The following EYS variants were observed in gnomAD, a reference collection of about 807,000 sequenced individuals.
The protein encoded by EYS is protein eyes shut homolog.
A neutral mutation model predicts 282.1 loss-of-function variants in EYS; 250 were observed. The observed-to-expected ratio is 0.89, with a 90% CI of 0.80 to 0.98. The LOEUF is 0.98. Among genes scored for constraint, EYS ranks in the 50% least tolerant of loss-of-function variants. EYS has a pLI of 0.00. For synonymous variants in EYS, 1,355 were observed against 1,282.9 expected (o/e 1.06, Z -1.20); for missense variants, 4,016 against 3,709.0 (o/e 1.08, Z -2.15).
chr6:64,334,521 G>T (rs1477834597), intron 29 of EYS, among the ~76,000 whole-genome samples: 1 of 152,098 alleles, frequency 6.6e-6, no homozygotes, highest in Non-Finnish European at 1.5e-5. Flanking sequence ...ACTATGGACT[G>T]GCCAGCTGGG....
chr6:65,296,008 A>G lies in EYS; in HGVS notation c.1878T>C (p.Asn626=), dbSNP rs770528804. Residue 626 remains asparagine, a synonymous_variant, in exon 12 of 43, where the codon AAT becomes AAC. Coordinates refer to ENST00000503581, the MANE Select transcript of EYS (RefSeq NM_001142800.2). ...ATCTTTGCAGACCGCTACAGTTACA[A>G]TTGTGCGAAAGGGCCAGGCAGAGGC... ...VHGLCLALSH[N]CNCSGLQRYE... is the part of the protein sequence containing the mutation. 3 of 1,551,228 alleles carry G rather than the reference A, an allele frequency of 1.9e-6. No individual in the cohort carries two copies. Among genetic ancestry groups the G allele is most frequent in the African/African-American group, 2.7e-5 (2 of 73,102 alleles).
intron 5 of EYS, among the ~76,000 whole-genome samples, chr6:65,420,658 C>T (rs972418420): frequency 6.6e-5 from 10 of 151,850 alleles, no homozygotes; most frequent in Non-Finnish European, 1.5e-5. Flanking sequence ...TGCTTAGATC[C>T]ATCAGAGGAA....
At chr6:64,491,146 G>A (rs773417738) in intron 26 of EYS, among the ~76,000 whole-genome samples, 1 of 150,580 alleles carries the variant, frequency 6.6e-6, no homozygotes, top group Non-Finnish European at 1.5e-5. Context: ...GCTTTTAATG[G>A]GATCTATGTA....
intron 14 of EYS, among the ~76,000 whole-genome samples, chr6:64,958,884 T>C (rs2150104597): frequency 6.6e-6 from 1 of 152,266 alleles, no homozygotes; most frequent in South Asian, 2.1e-4. Flanking sequence ...AACATTACAG[T>C]TAGACACACA....
At chr6:64,432,752 C>T (rs1246521209) in intron 28 of EYS, among the ~76,000 whole-genome samples, 1 of 151,908 alleles carries the variant, frequency 6.6e-6, no homozygotes, top group Non-Finnish European at 1.5e-5. Context: ...TAATGTTCTA[C>T]CTGGTGGTGT....
chr6:65,176,491 T>C (rs1034599875), intron 12 of EYS, among the ~76,000 whole-genome samples: 4 of 151,566 alleles, frequency 2.6e-5, no homozygotes, highest in African/African-American at 9.7e-5. Flanking sequence ...TATAATGACA[T>C]TTTATTTAAA....
intron 12 of EYS, among the ~76,000 whole-genome samples, chr6:65,151,667 A>G (rs1764614052): frequency 6.6e-6 from 1 of 152,006 alleles, no homozygotes; most frequent in Non-Finnish European, 1.5e-5. Context: ...CTAACGTGCT[A>G]TTTTGTTTTA....
intron 32 of EYS, among the ~76,000 whole-genome samples, chr6:64,077,390 G>A (rs1771810683): frequency 1.3e-5 from 2 of 151,952 alleles, no homozygotes; most frequent in South Asian, 4.1e-4. Flanking sequence ...ATAGGGAAAG[G>A]CAGGTGTTAT....
chr6:64,483,849 G>A (rs1171183225), intron 26 of EYS, among the ~76,000 whole-genome samples: 1 of 151,582 alleles, frequency 6.6e-6, no homozygotes, highest in East Asian at 1.9e-4. Flanking sequence ...GGGAAGGGAG[G>A]TGCTGTTTAT....
At chr6:64,647,054 G>T (rs761569494) in intron 22 of EYS, among the ~76,000 whole-genome samples, 1 of 152,032 alleles carries the variant, frequency 6.6e-6, no homozygotes, top group South Asian at 2.1e-4. Flanking sequence ...ACTTATAAAA[G>T]AAACCACTTA....
intron 36 of EYS, among the ~76,000 whole-genome samples, chr6:63,855,234 G>A (rs1274401270): frequency 1.3e-5 from 2 of 152,180 alleles, no homozygotes; most frequent in African/African-American, 4.8e-5. Context: ...TATCACTTTA[G>A]ACTGGTTATT....
At position 65,277,216 on chromosome 6, in the gene EYS, C is replaced by T. The variant is rs977985606; in HGVS notation, c.2023+18647G>A. 3.3e-5 allele frequency among the ~76,000 whole-genome samples: 5 copies of T among 151,948 alleles called. No individual in the cohort carries two copies. In the South Asian group the frequency reaches 6.2e-4, roughly 19 times the overall value. On this transcript the variant is annotated intron_variant, in intron 12 of 42. Transcript: ENST00000503581. ...TTGGGAGGCCAAGGTGGGTAGATCACGAGGTCAGGAGATCAAGACCTTCCT... is the reference window on the plus strand; with the variant it reads ...TTGGGAGGCCAAGGTGGGTAGATCATGAGGTCAGGAGATCAAGACCTTCCT...
In EYS at chr6:65,694,280, A is replaced by T. The variant is rs1008449941; in HGVS notation, c.-448+12855T>A. On this transcript the variant is annotated intron_variant, in intron 1 of 42. Transcript: ENST00000503581. ...TCTCAAAAAAAATAAAAAATAAAAA[A>T]ATATATATATATGTATAATAAAACA... Among the ~76,000 whole-genome samples, 32 of 147,902 alleles carry T rather than the reference A, an allele frequency of 2.2e-4. 4 individuals are homozygous for T. Among genetic ancestry groups the T allele is most frequent in the East Asian group, 9.1e-4 (4 of 4,382 alleles).
At chr6:64,815,306 T>A (rs1183647708) in intron 21 of EYS, 1 of 363,288 alleles carries the variant, frequency 2.8e-6, no homozygotes, top group African/African-American at 2.2e-5. Context: ...GGAATAGAAA[T>A]GCAGAATTCC....
chr6:64,831,605 C>CTTA (rs1046383518), intron 19 of EYS, among the ~76,000 whole-genome samples: 1 of 151,790 alleles, frequency 6.6e-6, no homozygotes, highest in Non-Finnish European at 1.5e-5. Context: ...TCATTTAAAT[C>CTTA]TTATTTCTCC....
Position 65,603,467 on chromosome 6 carries a change from T to C in EYS, c.-333+36311A>G, listed in dbSNP as rs549175390. Among the ~76,000 whole-genome samples, 17 of 152,080 alleles carry C rather than the reference T, an allele frequency of 1.1e-4. No homozygotes were observed. The East Asian group carries it at 3.1e-3, about 28-fold the overall frequency. ...AATTTGCCTTCATAAATTGCTTACA[T>C]TTTTTCTGAAGAAAGATAGTTTTAT... is the stretch of plus-strand genomic sequence containing the variant. On this transcript the variant is annotated intron_variant, in intron 2 of 42. Coordinates refer to ENST00000503581, the MANE Select transcript of EYS (RefSeq NM_001142800.2).
chr6:64,446,680 G>A (rs376322234), intron 26 of EYS, among the ~76,000 whole-genome samples: 9 of 151,988 alleles, frequency 5.9e-5, no homozygotes, highest in African/African-American at 9.6e-5. Context: ...GGAATATTAT[G>A]AGAGAATAAT....
chr6:64,033,125 T>A (rs1769940106), intron 33 of EYS, among the ~76,000 whole-genome samples: 1 of 152,200 alleles, frequency 6.6e-6, no homozygotes, highest in Admixed American at 6.5e-5. Context: ...ACATTTAGAT[T>A]TCTTATTATG....
chr6:64,596,476 A>G (rs1766591534), intron 24 of EYS, among the ~76,000 whole-genome samples: 1 of 152,230 alleles, frequency 6.6e-6, no homozygotes, highest in South Asian at 2.1e-4. Flanking sequence ...CTATGTAGCT[A>G]CAGTAACTTA....
Sources: allele counts gnomAD v4.1 joint callset (sites outside exome capture counted in the v4.1 genomes callset), GRCh38; gene constraint gnomAD v4.1.1; transcripts MANE v1.5; gene names NCBI Gene and HGNC (gene_info 2026-07-23, HGNC 2026-07-21).